Variants in HDAC10 observed in about 807,000 individuals in gnomAD.
HDAC10 encodes polyamine deacetylase HDAC10.
Under a neutral mutation model 82.3 loss-of-function variants are expected in HDAC10, and 90 were observed. That is an observed-to-expected ratio of 1.09 (90% confidence interval 0.92 to 1.30). The LOEUF (loss-of-function observed/expected upper bound fraction) is 1.30, where lower values mean the gene tolerates loss of function less well. HDAC10 is among the 50% of genes most tolerant of loss of function. The probability of loss-of-function intolerance (pLI) is 0.00; values close to 1 mark genes in which losing one functional copy is unlikely to be tolerated. For synonymous variants in HDAC10, 456 were observed against 391.7 expected, an observed-to-expected ratio of 1.16 and a Z score of -1.94; for missense variants, 934 against 876.3, an observed-to-expected ratio of 1.07 and a Z score of -0.83.
chr22:50,247,355 A>C, intron 14 of HDAC10: 3 of 315,714 alleles, frequency 9.5e-6, no homozygotes, highest in Admixed American at 4.7e-5. Flanking sequence ...CTGGTCTTGA[A>C]CTCCTGGGCT....
At chr22:50,250,558 C>G in intron 2 of HDAC10, 35 bp from the exon 3 acceptor site, 1 of 1,524,368 alleles carries the variant, frequency 6.6e-7, no homozygotes, top group Non-Finnish European at 9.1e-7. Context: ...GAGGCAGGGT[C>G]ACCAGCAGGA....
Position 50,245,934 on chromosome 22 carries a change from GC to G in HDAC10, c.1808del (p.Gly603AlafsTer15). On this transcript the variant is annotated frameshift_variant, in exon 18 of 20. Coordinates refer to ENST00000216271, the MANE Select transcript of HDAC10 (RefSeq NM_032019.6). LOFTEE classifies it high-confidence loss of function. ...LAAMLRGLAG[G>X]RVLALLEENS... ...CCTCCTCCAGGAGGGCCAGGACTCG[GC>G]CCCCTGCCAGCCCCCGAAGCATTGC... 6.3e-7 allele frequency: 1 copy of G among 1,589,392 alleles called. No homozygotes were observed. The highest frequency in any genetic ancestry group is 8.6e-7 in the Non-Finnish European group (1 of 1,168,752).
In HDAC10 at chr22:50,249,595, T is replaced by G; in HGVS notation, c.563+40A>C. The G allele has an allele frequency of 6.2e-7, 1 of 1,611,486 alleles. No homozygotes were observed. The highest frequency in any genetic ancestry group is 8.5e-7 in the Non-Finnish European group (1 of 1,178,896). On this transcript the variant is annotated intron_variant, in intron 6 of 19. Coordinates refer to ENST00000216271, the MANE Select transcript of HDAC10 (RefSeq NM_032019.6). The surrounding 1 kb of genome is among the most constrained non-coding windows in gnomAD (Gnocchi z 4.4). ...CAGGCCAGGCTGTGCACCCAAAAAC[T>G]GGGGCTGCAGGGAAGGGTGGTTTCC... is the stretch of plus-strand genomic sequence containing the variant.
chr22:50,249,151 A>G lies in HDAC10; in HGVS notation c.708T>C (p.Ala236=). Residue 236 remains alanine, a synonymous_variant, in exon 8 of 20, where the codon GCT becomes GCC. Transcript: ENST00000216271. The surrounding 1 kb of genome is among the most constrained non-coding windows in gnomAD (Gnocchi z 4.4). Reference sequence around the variant, plus strand: ...GGTGCAGGAAGGCAGCCACGTAGTCAGCGTTTCCCATCCCAACCTGGCAGG... The same window carrying G: ...GGTGCAGGAAGGCAGCCACGTAGTCGGCGTTTCCCATCCCAACCTGGCAGG... ...LPWNQVGMGN[A]DYVAAFLHLL... 6.3e-7 allele frequency: 1 copy of G among 1,577,694 alleles called. No homozygotes were observed.
intron 2 of HDAC10, 102 bp from the exon 3 acceptor site, chr22:50,250,625 CT>C (rs2065066609): frequency 7.6e-7 from 1 of 1,322,732 alleles, no homozygotes; most frequent in Admixed American, 1.9e-5. Context: ...CACCCTGTCA[CT>C]TCCTCAAGCC....
intron 3 of HDAC10, 60 bp from the exon 4 acceptor site, chr22:50,250,220 A>G: frequency 6.8e-7 from 1 of 1,480,566 alleles, no homozygotes; most frequent in Non-Finnish European, 9.3e-7. Flanking sequence ...TGCAGGCCAT[A>G]CCCACACTTG....
chr22:50,249,117 G>A lies in HDAC10; in HGVS notation c.742C>T (p.Pro248Ser), dbSNP rs773985921. The change falls in exon 8 of 20, where the codon CCA (proline) becomes TCA (serine). Residue 248 changes from proline (P) to serine (S), a missense_variant. Pro to Ser is a moderately conservative substitution (Grantham distance 74, BLOSUM62 -1). Transcript: ENST00000216271. The surrounding 1 kb of genome is among the most constrained non-coding windows in gnomAD (Gnocchi z 4.4). ...CGTGCAGTCACCTCAAAGGCCAGTG[G>A]GAGCAGCAGGTGCAGGAAGGCAGCC... ...YVAAFLHLLLPLAFEFDPELV... is the reference protein window; with the variant it reads ...YVAAFLHLLLSLAFEFDPELV... The A allele has an allele frequency of 1.2e-6, 2 of 1,602,220 alleles. No individual in the cohort carries two copies. The highest frequency in any genetic ancestry group is 2.2e-5 in the East Asian group (1 of 44,450).
At chr22:50,247,005 C>T in intron 14 of HDAC10, 39 bp from the exon 15 acceptor site, 1 of 1,370,742 alleles carries the variant, frequency 7.3e-7, no homozygotes, top group Non-Finnish European at 1.0e-6. Flanking sequence ...AGGCACCAAC[C>T]AACTCCCAAG....
Position 50,251,212 on chromosome 22 carries a change from C to A in HDAC10, c.-180G>T, listed in dbSNP as rs963718928. 2.8e-5 allele frequency: 17 copies of A among 597,364 alleles called. No individual in the cohort carries two copies. The highest frequency in any genetic ancestry group is 1.4e-5 in the Non-Finnish European group (5 of 348,172). 37.0% of individuals were successfully genotyped at this position (597,364 alleles called of 1,614,324 possible). ...CCTAGGCAGGCTCCGGGATCCCAGGCGCGCAGAAGGCACGGAGCGAGGCTG... is the reference window on the plus strand; with the variant it reads ...CCTAGGCAGGCTCCGGGATCCCAGGAGCGCAGAAGGCACGGAGCGAGGCTG... On this transcript the variant is annotated 5_prime_UTR_variant, in exon 1 of 20. Coordinates refer to ENST00000216271, the MANE Select transcript of HDAC10 (RefSeq NM_032019.6).
Position 50,249,766 on chromosome 22 carries a change from G to T in HDAC10, c.495-63C>A. On this transcript the variant is annotated intron_variant, in intron 5 of 19. Coordinates refer to ENST00000216271, the MANE Select transcript of HDAC10 (RefSeq NM_032019.6). The surrounding 1 kb of genome is among the most constrained non-coding windows in gnomAD (Gnocchi z 4.4). ...CTCCCACCTCCAGGAGCCCGGCCAG[G>T]GATGGGAAGGTGCTGGCTGGGTTCT... is the stretch of plus-strand genomic sequence containing the variant. The T allele has an allele frequency of 1.9e-6, 3 of 1,607,532 alleles. No homozygotes were observed. Among genetic ancestry groups the T allele is most frequent in the South Asian group, 1.1e-5 (1 of 90,830 alleles).
In HDAC10 at chr22:50,249,277, G is replaced by A; in HGVS notation, c.690+51C>T. The A allele has an allele frequency of 2.0e-6, 3 of 1,472,292 alleles. No homozygotes were observed. Among genetic ancestry groups the A allele is most frequent in the Non-Finnish European group, 1.8e-6 (2 of 1,089,658 alleles). The allele number at this position is 1,472,292 out of a possible 1,614,324, so 91.2% of individuals were successfully genotyped here. The stretch of plus-strand genomic sequence containing the variant: ...GAGGGTGAACTGTGGGGGAGGGGAG[G>A]GGCCCAGGGGGAGGGGGCTGGGTGG... On this transcript the variant is annotated intron_variant, in intron 7 of 19. Transcript: ENST00000216271. This position sits in a 1 kb window ranked among gnomAD's most constrained non-coding sequence, Gnocchi z 4.4.
In HDAC10 at chr22:50,251,099, C is replaced by A; in HGVS notation, c.-67G>T. The A allele has an allele frequency of 6.6e-7, 1 of 1,513,692 alleles. No homozygotes were observed. The highest frequency in any genetic ancestry group is 2.5e-5 in the East Asian group (1 of 40,764). The allele number at this position is 1,513,692 out of a possible 1,614,324, so 93.8% of individuals were successfully genotyped here. A position where few individuals can be genotyped will look rare whatever the true frequency, so the allele number is the denominator to read the frequency against. Reference sequence around the variant, plus strand: ...AGTGGTGCCTGCCACTGCCTGTCCCCACCTTCGGCCGGGAGCAGCCGGAGG... The same window carrying A: ...AGTGGTGCCTGCCACTGCCTGTCCCAACCTTCGGCCGGGAGCAGCCGGAGG... On this transcript the variant is annotated 5_prime_UTR_variant, in exon 1 of 20. Transcript: ENST00000216271.
At chr22:50,246,557 G>A in intron 16 of HDAC10, 122 bp downstream of exon 16, 1 of 1,141,200 alleles carries the variant, frequency 8.8e-7, no homozygotes, top group Non-Finnish European at 1.3e-6. Context: ...CCCCAGCTGA[G>A]GAAGGCTCCA....
Position 50,250,994 on chromosome 22 carries a change from G to A in HDAC10, c.39C>T (p.Ala13=). 6.2e-7 allele frequency: 1 copy of A among 1,612,630 alleles called. No homozygotes were observed. The highest frequency in any genetic ancestry group is 8.5e-7 in the Non-Finnish European group (1 of 1,179,770). Residue 13 remains alanine, a synonymous_variant, in exon 1 of 20, where the codon GCC becomes GCT. Coordinates refer to ENST00000216271, the MANE Select transcript of HDAC10 (RefSeq NM_032019.6). ...TALVYHEDMT[A]TRLLWDDPEC... ...CTTACTCGTCCCAGAGCAGCCGGGT[G>A]GCCGTCATGTCCTCATGGTACACAA...
rs745817058 is a variant in HDAC10, at chr22:50,250,997, C to T, written c.36G>A (p.Thr12=). 33 of 1,612,586 alleles carry T rather than the reference C, an allele frequency of 2.0e-5. No homozygotes were observed. Among genetic ancestry groups the T allele is most frequent in the Non-Finnish European group, 2.8e-5 (33 of 1,179,742 alleles). The change falls in exon 1 of 20, where the codon ACG becomes ACA. Residue 12 remains threonine (T), a synonymous_variant. Transcript: ENST00000216271. ...ACTCGTCCCAGAGCAGCCGGGTGGCCGTCATGTCCTCATGGTACACAAGCG... is the reference window on the plus strand; with the variant it reads ...ACTCGTCCCAGAGCAGCCGGGTGGCTGTCATGTCCTCATGGTACACAAGCG... The part of the protein sequence containing the change: ...GTALVYHEDM[T]ATRLLWDDPE...
chr22:50,250,192 G>A (rs2147244730), intron 3 of HDAC10, 32 bp from the exon 4 acceptor site: 2 of 1,580,126 alleles, frequency 1.3e-6, no homozygotes, highest in East Asian at 2.3e-5. Flanking sequence ...TGAGCCCCCT[G>A]CCTTCCCTGC....
intron 3 of HDAC10, 131 bp from the exon 4 acceptor site, chr22:50,250,291 C>T: frequency 8.2e-7 from 1 of 1,219,518 alleles, no homozygotes; most frequent in South Asian, 1.3e-5. Flanking sequence ...TCTGGCAGTG[C>T]CAGCAGGCAG....
rs1260407503 is a variant in HDAC10, at chr22:50,248,668, C to T, written c.900G>A (p.Val300=). ...GTGTGCCCTCCCCAGTCACCTCCAG[C>T]ACGGCACAGACCCGGCCGCCGGCCA... ...QVLAGGRVCA[V]LEGGYHLESL... is the part of the protein sequence containing the mutation. Residue 300 remains valine (V), a synonymous_variant, in exon 10 of 20, where the codon GTG becomes GTA. Coordinates refer to ENST00000216271, the MANE Select transcript of HDAC10 (RefSeq NM_032019.6). The surrounding 1 kb of genome is among the most constrained non-coding windows in gnomAD (Gnocchi z 5.4). 1 of 1,510,516 alleles carries T rather than the reference C, an allele frequency of 6.6e-7. No homozygotes were observed. The highest frequency in any genetic ancestry group is 1.3e-5 in the South Asian group (1 of 76,724). The allele number at this position is 1,510,516 out of a possible 1,614,324, so 93.6% of individuals were successfully genotyped here.
In HDAC10 at chr22:50,249,721, T is replaced by C. The variant is rs1203169091; in HGVS notation, c.495-18A>G. On this transcript the variant is annotated intron_variant, in intron 5 of 19. Coordinates refer to ENST00000216271, the MANE Select transcript of HDAC10 (RefSeq NM_032019.6). This position sits in a 1 kb window ranked among gnomAD's most constrained non-coding sequence, Gnocchi z 4.4. ...CGAGGATCCTGGGTACAGACAGCGC[T>C]GGTGGCAAAGGGGCAGGGCCTCCCA... The C allele has an allele frequency of 6.2e-7, 1 of 1,612,426 alleles. No individual in the cohort carries two copies.
Sources: gnomAD v4.1 joint callset for allele counts on GRCh38, gnomAD v4.1.1 for gene constraint, Gnocchi (gnomAD v3.1) non-coding constraint, MANE v1.5 for transcripts, NCBI Gene and HGNC (gene_info 2026-07-23, HGNC 2026-07-21) for gene names.